PDE3A: variants seen among roughly 807,000 people sequenced by gnomAD.
PDE3A encodes the protein phosphodiesterase 3A, also known as cGMP-inhibited 3',5'-cyclic phosphodiesterase 3A.
Under a neutral mutation model 98.3 loss-of-function variants are expected in PDE3A, and 43 were observed. That is an observed-to-expected ratio of 0.44 (90% CI 0.34 to 0.56). PDE3A has a LOEUF of 0.56. Among genes scored for constraint, PDE3A ranks in the 20% least tolerant of loss-of-function variants. PDE3A has a pLI of 0.01. For synonymous variants in PDE3A, 663 were observed against 567.9 expected, an observed-to-expected ratio of 1.17 and a Z score of -2.38; for missense variants, 1,427 against 1,440.7, an observed-to-expected ratio of 0.99 and a Z score of 0.15.
intron 2 of PDE3A, among the ~76,000 whole-genome samples, chr12:20,603,767 G>A (rs1943649838): frequency 6.6e-6 from 1 of 151,960 alleles, no homozygotes; most frequent in Non-Finnish European, 1.5e-5. Flanking sequence ...CATATATTTT[G>A]GACCACGCAC....
intron 8 of PDE3A, 147 bp from the exon 9 acceptor site, chr12:20,636,953 C>T: frequency 3.8e-6 from 2 of 524,944 alleles, no homozygotes; most frequent in Middle Eastern, 5.0e-4. Context: ...TTCATGTTGA[C>T]TTTTTTAAGC....
intron 14 of PDE3A, among the ~76,000 whole-genome samples, chr12:20,651,301 C>T (rs1004332576): frequency 1.6e-4 from 25 of 151,996 alleles, no homozygotes; most frequent in Admixed American, 7.2e-4. Context: ...CTGTGAACCA[C>T]TCTTAAAAAG....
intron 1 of PDE3A, among the ~76,000 whole-genome samples, chr12:20,549,564 A>T (rs1341740880): frequency 1.3e-5 from 2 of 152,120 alleles, no homozygotes; most frequent in African/African-American, 4.8e-5. Flanking sequence ...ACTGTAGAAC[A>T]TTACAGTATC....
At chr12:20,556,446 G>A (rs892833135) in intron 1 of PDE3A, among the ~76,000 whole-genome samples, 6 of 151,998 alleles carry the variant, frequency 3.9e-5, no homozygotes, top group Non-Finnish European at 7.4e-5. Flanking sequence ...ATCACACAGT[G>A]ATATTAAAAT....
At chr12:20,521,234 G>C (rs1946419444) in intron 1 of PDE3A, among the ~76,000 whole-genome samples, 2 of 151,276 alleles carry the variant, frequency 1.3e-5, no homozygotes, top group Non-Finnish European at 2.9e-5. Flanking sequence ...GGTGGATATA[G>C]TTTTAAATTT....
intron 10 of PDE3A, among the ~76,000 whole-genome samples, chr12:20,646,050 G>T (rs186086293): frequency 6.6e-6 from 1 of 152,194 alleles, no homozygotes; most frequent in Non-Finnish European, 1.5e-5. Flanking sequence ...TCTATTCCCA[G>T]ATTATTTTTG....
intron 15 of PDE3A, among the ~76,000 whole-genome samples, chr12:20,669,132 G>A (rs928731576): frequency 1.1e-4 from 16 of 152,160 alleles, no homozygotes; most frequent in Admixed American, 1.0e-3. Flanking sequence ...AATGAAGCGA[G>A]AAGGGAAGTG....
At chr12:20,571,216 C>A (rs1942795268) in intron 2 of PDE3A, among the ~76,000 whole-genome samples, 1 of 151,964 alleles carries the variant, frequency 6.6e-6, no homozygotes, top group Admixed American at 6.6e-5. Flanking sequence ...GTCATATATT[C>A]ATTAGTATGG....
chr12:20,614,987 C>CT (rs939437206), intron 3 of PDE3A, among the ~76,000 whole-genome samples: 2 of 37,456 alleles, frequency 5.3e-5, no homozygotes, highest in African/African-American at 1.1e-4. Flanking sequence ...TTAACTTTTT[C>CT]TTTTCTTTTT....
chr12:20,527,294 G>C (rs1946542383), intron 1 of PDE3A, among the ~76,000 whole-genome samples: 1 of 152,108 alleles, frequency 6.6e-6, no homozygotes. Context: ...CATTTGAGAA[G>C]ATGAATGGAT....
intron 1 of PDE3A, among the ~76,000 whole-genome samples, chr12:20,484,766 A>T (rs185704292): frequency 6.6e-6 from 1 of 152,308 alleles, no homozygotes; most frequent in Non-Finnish European, 1.5e-5. Flanking sequence ...CACTGATGTT[A>T]AGGGAACATA....
intron 1 of PDE3A, among the ~76,000 whole-genome samples, chr12:20,460,324 C>CT (rs1323870840): frequency 6.6e-6 from 1 of 152,176 alleles, no homozygotes; most frequent in Non-Finnish European, 1.5e-5. Context: ...TAATTTTCTT[C>CT]TTTCATACTG....
chr12:20,543,270 T>TA (rs2121226278), intron 1 of PDE3A, among the ~76,000 whole-genome samples: 1 of 151,818 alleles, frequency 6.6e-6, no homozygotes. Flanking sequence ...GTTTTTTTTT[T>TA]AAACAGGCCT....
At chr12:20,628,003 G>T (rs111910630) in intron 5 of PDE3A, among the ~76,000 whole-genome samples, 2,510 of 152,218 alleles carry the variant, frequency 0.016, 82 homozygotes, top group African/African-American at 0.058. Context: ...CCATATATGT[G>T]TAATAGTATT....
chr12:20,518,445 A>C (rs1384185031), intron 1 of PDE3A, among the ~76,000 whole-genome samples: 1 of 152,232 alleles, frequency 6.6e-6, no homozygotes, highest in East Asian at 1.9e-4. Flanking sequence ...ATCTCCAAGT[A>C]TAACCAAATT....
intron 1 of PDE3A, among the ~76,000 whole-genome samples, chr12:20,484,545 T>C (rs1945690787): frequency 6.6e-6 from 1 of 152,230 alleles, no homozygotes; most frequent in Admixed American, 6.5e-5. Context: ...TCTTTTTCAC[T>C]TTAACACTGG....
chr12:20,607,921 A>T (rs1008583263), intron 2 of PDE3A, among the ~76,000 whole-genome samples: 14 of 152,178 alleles, frequency 9.2e-5, no homozygotes, highest in Admixed American at 8.5e-4. Flanking sequence ...TAAATAAAAC[A>T]TTTCTGAGTA....
At chr12:20,624,580 T>C (rs1944213961) in intron 5 of PDE3A, among the ~76,000 whole-genome samples, 1 of 152,144 alleles carries the variant, frequency 6.6e-6, no homozygotes, top group Non-Finnish European at 1.5e-5. Context: ...GCATAAGGCA[T>C]TTCTATCATG....
chr12:20,658,713 T>C (rs1945095508), intron 15 of PDE3A, among the ~76,000 whole-genome samples: 1 of 152,234 alleles, frequency 6.6e-6, no homozygotes, highest in Non-Finnish European at 1.5e-5. Context: ...CTGGCCTACC[T>C]TTCTTCTTTC....
Sources: gnomAD v4.1 joint callset for allele counts (sites outside exome capture counted in the v4.1 genomes callset) on GRCh38, gnomAD v4.1.1 for gene constraint, MANE v1.5 for transcripts, NCBI Gene and HGNC (gene_info 2026-07-23, HGNC 2026-07-21) for gene names.